The following BABAM2 variants were observed in gnomAD, a reference collection of about 807,000 sequenced individuals.
BABAM2 encodes the protein BRISC and BRCA1 A complex member 2.
A neutral mutation model predicts 54.7 loss-of-function variants in BABAM2; 31 were observed. The ratio of observed to expected loss-of-function variants is 0.57; its 90% confidence interval spans 0.43 to 0.77. The LOEUF is 0.77. BABAM2 is among the 30% of genes least tolerant of loss of function. The pLI is 0.00. For synonymous variants in BABAM2, 167 were observed against 162.9 expected, an observed-to-expected ratio of 1.03 and a Z score of -0.19; for missense variants, 364 against 455.8, an observed-to-expected ratio of 0.80 and a Z score of 1.83.
At chr2:28,083,107 C>T (rs1344871336) in intron 6 of BABAM2, among the ~76,000 whole-genome samples, 1 of 152,134 alleles carries the variant, frequency 6.6e-6, no homozygotes, top group East Asian at 1.9e-4. Flanking sequence ...TTCTGCTCCC[C>T]ACCTTTCCTT....
chr2:28,189,596 A>G (rs1213019318), intron 7 of BABAM2, among the ~76,000 whole-genome samples: 3 of 152,214 alleles, frequency 2.0e-5, no homozygotes, highest in Non-Finnish European at 4.4e-5. Context: ...TACAAAACCC[A>G]TATACCAAAA....
intron 7 of BABAM2, among the ~76,000 whole-genome samples, chr2:28,147,773 T>C (rs1671640449): frequency 6.6e-6 from 1 of 152,200 alleles, no homozygotes; most frequent in Admixed American, 6.5e-5. Flanking sequence ...GCGCCCGGCC[T>C]CCCTTTAGGA....
chr2:28,213,657 A>G (rs1026240497), intron 7 of BABAM2, among the ~76,000 whole-genome samples: 1 of 152,118 alleles, frequency 6.6e-6, no homozygotes, highest in Non-Finnish European at 1.5e-5. Flanking sequence ...TGAACTTAAG[A>G]TGTATATTAT....
At chr2:28,118,278 T>A (rs981072317) in intron 6 of BABAM2, among the ~76,000 whole-genome samples, 10 of 152,218 alleles carry the variant, frequency 6.6e-5, no homozygotes, top group Non-Finnish European at 5.9e-5. Flanking sequence ...TGGTTCCAGA[T>A]CCTTGAGGAA....
At position 28,080,383 on chromosome 2, in the gene BABAM2, A is replaced by G. The variant is rs370550119; in HGVS notation, c.570+34584A>G. Among the ~76,000 whole-genome samples the G allele has an allele frequency of 8.9e-4, 136 of 152,318 alleles. 1 individual carries two copies. The South Asian group carries it at 0.028, about 31-fold the overall frequency. ...ATGAAAACAGATTATAATGTATGTA[A>G]TCAGAGCATTGAAAAGAGAAGGAGA... On this transcript the variant is annotated intron_variant, in intron 6 of 11. Coordinates refer to ENST00000379624, the MANE Select transcript of BABAM2 (RefSeq NM_199191.3).
intron 4 of BABAM2, among the ~76,000 whole-genome samples, chr2:28,021,497 G>T (rs893403405): frequency 6.6e-6 from 1 of 152,122 alleles, no homozygotes; most frequent in Non-Finnish European, 1.5e-5. Flanking sequence ...TCGTTTTACC[G>T]TGTGCATATA....
intron 11 of BABAM2, among the ~76,000 whole-genome samples, chr2:28,306,995 CTTTTTTTT>C (rs143177903): frequency 7.6e-5 from 2 of 26,358 alleles, no homozygotes; most frequent in African/African-American, 1.4e-4. Flanking sequence ...CACACCTGGC[CTTTTTTTT>C]TTTTTTTTTT....
chr2:27,936,512 G>A (rs1011882701), intron 3 of BABAM2, among the ~76,000 whole-genome samples: 31 of 151,998 alleles, frequency 2.0e-4, no homozygotes, highest in African/African-American at 6.8e-4. Flanking sequence ...TGTTTATTGC[G>A]GCACTATTCA....
intron 7 of BABAM2, among the ~76,000 whole-genome samples, chr2:28,195,579 TC>T (rs1677435532): frequency 6.6e-6 from 1 of 152,210 alleles, no homozygotes; most frequent in Non-Finnish European, 1.5e-5. Flanking sequence ...GAGAAGTCTA[TC>T]AAGAGGGCCA....
intron 4 of BABAM2, among the ~76,000 whole-genome samples, chr2:28,011,531 G>T (rs981637207): frequency 6.6e-6 from 1 of 152,098 alleles, no homozygotes; most frequent in African/African-American, 2.4e-5. Flanking sequence ...AGAGGAAGAG[G>T]GTCTGGCAAA....
intron 7 of BABAM2, among the ~76,000 whole-genome samples, chr2:28,162,241 C>T (rs1402178445): frequency 1.3e-5 from 2 of 152,126 alleles, no homozygotes; most frequent in African/African-American, 2.4e-5. Flanking sequence ...GCAGCGCATA[C>T]CTCACACCGG....
intron 4 of BABAM2, among the ~76,000 whole-genome samples, chr2:28,019,232 T>G (rs1290210611): frequency 1.3e-5 from 2 of 152,270 alleles, no homozygotes. Context: ...TGCCACATTT[T>G]CTTTATCCAG....
At chr2:28,261,871 T>C (rs1311891799) in intron 10 of BABAM2, among the ~76,000 whole-genome samples, 1 of 150,398 alleles carries the variant, frequency 6.6e-6, no homozygotes, top group East Asian at 2.0e-4. Flanking sequence ...CCTTCGGTCA[T>C]CATGTATTTG....
chr2:28,070,913 G>T (rs1218308486), intron 6 of BABAM2, among the ~76,000 whole-genome samples: 6 of 152,104 alleles, frequency 3.9e-5, no homozygotes, highest in South Asian at 2.1e-4. Flanking sequence ...TCACAGTTAA[G>T]AGCCTGAGCA....
intron 6 of BABAM2, among the ~76,000 whole-genome samples, chr2:28,082,431 A>C (rs1014825228): frequency 1.3e-5 from 2 of 152,222 alleles, no homozygotes; most frequent in Non-Finnish European, 2.9e-5. Context: ...GCTATCAGTT[A>C]CCCTTGAGTT....
chr2:28,153,208 A>G (rs1359514327), intron 7 of BABAM2, among the ~76,000 whole-genome samples: 1 of 152,170 alleles, frequency 6.6e-6, no homozygotes, highest in African/African-American at 2.4e-5. Context: ...CTCCTTACAG[A>G]AGCTTATTCA....
At chr2:27,974,809 A>G (rs1373514495) in intron 3 of BABAM2, among the ~76,000 whole-genome samples, 1 of 152,172 alleles carries the variant, frequency 6.6e-6, no homozygotes, top group African/African-American at 2.4e-5. Flanking sequence ...AAATCTACCT[A>G]ATTTGCGTAT....
chr2:28,183,091 T>G lies in BABAM2; in HGVS notation c.680+53711T>G, dbSNP rs1675819258. On this transcript the variant is annotated intron_variant, in intron 7 of 11. Coordinates refer to ENST00000379624, the MANE Select transcript of BABAM2 (RefSeq NM_199191.3). Reference sequence around the variant, plus strand: ...GTGAGTGCTTTGTTTTTTTCTTAAGTATATCATATTAATGGTTCCCATTAA... The same window carrying G: ...GTGAGTGCTTTGTTTTTTTCTTAAGGATATCATATTAATGGTTCCCATTAA... Among the ~76,000 whole-genome samples, 4 of 152,308 alleles carry G rather than the reference T, an allele frequency of 2.6e-5. No individual in the cohort carries two copies. The South Asian group carries it at 8.3e-4, about 32-fold the overall frequency.
At chr2:28,303,711 A>C (rs1011397712) in intron 11 of BABAM2, among the ~76,000 whole-genome samples, 2 of 151,572 alleles carry the variant, frequency 1.3e-5, no homozygotes, top group Admixed American at 1.3e-4. Flanking sequence ...CCCCACTCCA[A>C]CGCCCCCCCC....
Sources: gnomAD v4.1 joint callset for allele counts (sites outside exome capture counted in the v4.1 genomes callset) on GRCh38, gnomAD v4.1.1 for gene constraint, MANE v1.5 for transcripts, NCBI Gene and HGNC (gene_info 2026-07-23, HGNC 2026-07-21) for gene names.